CLVS1: variants seen among roughly 807,000 people sequenced by gnomAD.
CLVS1 encodes the protein clavesin-1.
A neutral mutation model predicts 33.1 loss-of-function variants in CLVS1; 10 were observed. The ratio of observed to expected loss-of-function variants is 0.30; its 90% confidence interval spans 0.19 to 0.51. The LOEUF is 0.51. Among genes scored for constraint, CLVS1 ranks in the 20% least tolerant of loss-of-function variants. CLVS1 has a pLI of 0.97. For missense variants in CLVS1, 343 were observed against 433.4 expected (o/e 0.79, Z 1.85); for synonymous variants, 163 against 166.1 (o/e 0.98, Z 0.14).
the CLVS1 span, among the ~76,000 whole-genome samples, chr8:60,971,657 C>G: frequency 6.6e-6 from 1 of 152,110 alleles, no homozygotes; most frequent in African/African-American, 2.4e-5. Flanking sequence ...AAATGAGCCT[C>G]TCAGCAGGGT....
chr8:61,419,704 G>A (rs546851272), intron 3 of CLVS1, among the ~76,000 whole-genome samples: 8 of 152,300 alleles, frequency 5.3e-5, no homozygotes, highest in African/African-American at 1.9e-4. Flanking sequence ...TCTAGGAGCT[G>A]AATACCTTAG....
At chr8:61,142,710 G>A (rs1471336461) in intron 2 of CLVS1, among the ~76,000 whole-genome samples, 1 of 152,174 alleles carries the variant, frequency 6.6e-6, no homozygotes, top group Non-Finnish European at 1.5e-5. Flanking sequence ...TGCTTGTCTT[G>A]TCAACTTTAA....
upstream of CLVS1, among the ~76,000 whole-genome samples, chr8:61,054,296 G>A (rs1450117783): frequency 6.6e-6 from 1 of 152,182 alleles, no homozygotes; most frequent in South Asian, 2.1e-4. Context: ...GTAGGGTTGC[G>A]ACCAGAGAAG....
chr8:61,211,756 T>C (rs1807975202), intron 2 of CLVS1, among the ~76,000 whole-genome samples: 2 of 152,368 alleles, frequency 1.3e-5, no homozygotes, highest in African/African-American at 4.8e-5. Context: ...ATTATGGATC[T>C]TGAGCCAGGG....
chr8:61,121,346 G>A (rs1306048701), intron 1 of CLVS1, among the ~76,000 whole-genome samples: 3 of 152,190 alleles, frequency 2.0e-5, no homozygotes, highest in East Asian at 1.9e-4. Context: ...CGTCGCTCAC[G>A]CTGGGAGCTG....
chr8:61,037,570 T>C, the CLVS1 span, among the ~76,000 whole-genome samples: 13 of 152,318 alleles, frequency 8.5e-5, no homozygotes, highest in African/African-American at 3.1e-4. Flanking sequence ...ATTCAGCTAT[T>C]GTGAATAGTG....
At chr8:61,458,570 C>CA in intron 5 of CLVS1, 28 bp downstream of exon 5, 1 of 1,470,582 alleles carries the variant, frequency 6.8e-7, no homozygotes, top group Non-Finnish European at 9.2e-7. Flanking sequence ...AGAGCCCCCC[C>CA]CCCAGTCAGA....
At chr8:61,292,963 T>C (rs1449910109) in intron 1 of CLVS1, among the ~76,000 whole-genome samples, 1 of 152,210 alleles carries the variant, frequency 6.6e-6, no homozygotes, top group African/African-American at 2.4e-5. Context: ...ACCTGGCATC[T>C]ATTTTGGTTA....
At chr8:61,284,938 A>G (rs1208269892), upstream of CLVS1, among the ~76,000 whole-genome samples, 1 of 152,212 alleles carries the variant, frequency 6.6e-6, no homozygotes, top group East Asian at 1.9e-4. Flanking sequence ...ATAGAAGTGA[A>G]AAAGCAAATA....
At chr8:61,073,883 G>T (rs1274207216) in intron 1 of CLVS1, among the ~76,000 whole-genome samples, 1 of 151,642 alleles carries the variant, frequency 6.6e-6, no homozygotes, top group Non-Finnish European at 1.5e-5. Flanking sequence ...TAGGTGGCGG[G>T]CGCCTGTAGT....
intron 5 of CLVS1, among the ~76,000 whole-genome samples, chr8:61,481,694 G>T (rs551786704): frequency 2.6e-5 from 4 of 152,212 alleles, no homozygotes; most frequent in East Asian, 1.9e-4. Context: ...AAACAAAGAG[G>T]CTGGGAAGCT....
chr8:61,476,719 G>A (rs201826791), intron 5 of CLVS1, among the ~76,000 whole-genome samples: 1 of 152,066 alleles, frequency 6.6e-6, no homozygotes, highest in Non-Finnish European at 1.5e-5. Context: ...GGGTTTTCTA[G>A]ATATACAATC....
intron 4 of CLVS1, among the ~76,000 whole-genome samples, chr8:61,455,287 G>A (rs895776890): frequency 2.0e-5 from 3 of 151,706 alleles, no homozygotes; most frequent in Non-Finnish European, 4.4e-5. Context: ...TATCCATACT[G>A]TACATTAGGT....
intron 1 of CLVS1, among the ~76,000 whole-genome samples, chr8:61,127,877 C>G (rs963275763): frequency 6.6e-6 from 1 of 152,170 alleles, no homozygotes; most frequent in Non-Finnish European, 1.5e-5. Context: ...AGAATTAACT[C>G]TCATTATTGG....
chr8:61,201,898 T>G (rs762740934), intron 2 of CLVS1, among the ~76,000 whole-genome samples: 2 of 152,150 alleles, frequency 1.3e-5, no homozygotes, highest in Non-Finnish European at 2.9e-5. Flanking sequence ...GCCATGAGAG[T>G]ACACCAAACA....
At chr8:61,145,908 C>T (rs140941228) in intron 2 of CLVS1, among the ~76,000 whole-genome samples, 9 of 152,156 alleles carry the variant, frequency 5.9e-5, no homozygotes, top group Admixed American at 3.3e-4. Flanking sequence ...GGTGAGGAAA[C>T]GGAGGCACAG....
At chr8:60,985,108 T>G in the CLVS1 span, among the ~76,000 whole-genome samples, 1 of 152,208 alleles carries the variant, frequency 6.6e-6, no homozygotes, top group African/African-American at 2.4e-5. Flanking sequence ...CTAAGAATGT[T>G]AAGGCTATTT....
At chr8:60,991,940 G>T in the CLVS1 span, among the ~76,000 whole-genome samples, 2 of 151,954 alleles carry the variant, frequency 1.3e-5, no homozygotes, top group African/African-American at 4.8e-5. Flanking sequence ...TAGAGACGGG[G>T]TTTCACCATG....
chr8:61,227,187 G>A (rs1808350277), intron 2 of CLVS1, among the ~76,000 whole-genome samples: 1 of 151,318 alleles, frequency 6.6e-6, no homozygotes, highest in Admixed American at 6.6e-5. Flanking sequence ...GAGCAAAGTA[G>A]ACTGATTCTA....
Sources: gnomAD v4.1 joint callset for allele counts (sites outside exome capture counted in the v4.1 genomes callset) on GRCh38, gnomAD v4.1.1 for gene constraint, MANE v1.5 for transcripts, NCBI Gene and HGNC (gene_info 2026-07-23, HGNC 2026-07-21) for gene names.